The following RFX7 variants were observed in gnomAD, a reference collection of about 807,000 sequenced individuals.
The protein encoded by RFX7 is regulatory factor X7, also known as DNA-binding protein RFX7.
RFX7 carries 26 observed loss-of-function variants against 111.8 expected under a neutral mutation model. The observed-to-expected ratio is 0.23, with a 90% confidence interval of 0.17 to 0.32. The LOEUF is 0.32. Among genes scored for constraint, RFX7 ranks in the 10% least tolerant of loss-of-function variants. The pLI is 1.00. For synonymous variants in RFX7, 624 were observed against 624.4 expected, an observed-to-expected ratio of 1.00 and a Z score of 0.01; for missense variants, 1,573 against 1,772.9, an observed-to-expected ratio of 0.89 and a Z score of 2.02.
intron 3 of RFX7, among the ~76,000 whole-genome samples, chr15:56,170,285 C>A (rs949732531): frequency 2.0e-5 from 3 of 152,076 alleles, no homozygotes; most frequent in African/African-American, 7.2e-5. Flanking sequence ...AAAATTCAGA[C>A]CTGAGAAATC....
At chr15:56,116,847 C>T (rs188662518) in intron 5 of RFX7, among the ~76,000 whole-genome samples, 4 of 151,244 alleles carry the variant, frequency 2.6e-5, no homozygotes, top group Non-Finnish European at 4.4e-5. Flanking sequence ...TACAGTTGTA[C>T]AAATTGTACA....
intron 3 of RFX7, among the ~76,000 whole-genome samples, chr15:56,148,400 C>T (rs1459935449): frequency 6.6e-6 from 1 of 152,168 alleles, no homozygotes; most frequent in Non-Finnish European, 1.5e-5. Flanking sequence ...GTACTTTGAC[C>T]TTTCACATTC....
At chr15:56,137,448 G>C (rs1214888262) in intron 5 of RFX7, among the ~76,000 whole-genome samples, 1 of 152,134 alleles carries the variant, frequency 6.6e-6, no homozygotes, top group Non-Finnish European at 1.5e-5. Context: ...ATTTCTGTGG[G>C]ATTGGTGGTG....
At chr15:56,225,327 G>A (rs935304077) in intron 2 of RFX7, among the ~76,000 whole-genome samples, 8 of 151,938 alleles carry the variant, frequency 5.3e-5, no homozygotes, top group African/African-American at 9.7e-5. Context: ...TTATAAAACC[G>A]GATTTCTCTT....
intron 2 of RFX7, among the ~76,000 whole-genome samples, chr15:56,212,895 T>C (rs1401148225): frequency 6.6e-6 from 1 of 152,140 alleles, no homozygotes; most frequent in Non-Finnish European, 1.5e-5. Flanking sequence ...TTTGTATAAA[T>C]GGTAAACAAC....
intron 2 of RFX7, among the ~76,000 whole-genome samples, chr15:56,213,531 T>C (rs533060968): frequency 1.6e-4 from 25 of 152,102 alleles, no homozygotes; most frequent in African/African-American, 5.8e-4. Flanking sequence ...TAGTTGAGGG[T>C]GAAAGGTAAG....
chr15:56,218,155 T>TC (rs1194700990), intron 2 of RFX7, among the ~76,000 whole-genome samples: 1 of 135,940 alleles, frequency 7.4e-6, no homozygotes, highest in Non-Finnish European at 1.6e-5. Flanking sequence ...TTTTTTTTTT[T>TC]TTTTTTTTTT....
chr15:56,101,818 T>G (rs536104024), intron 7 of RFX7, among the ~76,000 whole-genome samples: 1 of 152,344 alleles, frequency 6.6e-6, no homozygotes, highest in South Asian at 2.1e-4. Context: ...GACTGATGTT[T>G]TGAATCTTTC....
At chr15:56,114,840 G>A (rs2041988616) in intron 5 of RFX7, among the ~76,000 whole-genome samples, 1 of 151,986 alleles carries the variant, frequency 6.6e-6, no homozygotes, top group African/African-American at 2.4e-5. Context: ...TTAACCTGAA[G>A]TTTATAAATT....
At chr15:56,119,692 G>A (rs755615894) in intron 5 of RFX7, among the ~76,000 whole-genome samples, 6 of 151,506 alleles carry the variant, frequency 4.0e-5, no homozygotes, top group African/African-American at 7.3e-5. Flanking sequence ...CAGGAGAATC[G>A]CGTGAACCTG....
At chr15:56,220,535 GT>G (rs140570621) in intron 2 of RFX7, among the ~76,000 whole-genome samples, 4 of 149,202 alleles carry the variant, frequency 2.7e-5, no homozygotes, top group Non-Finnish European at 4.5e-5. Context: ...CTAGCCAAAT[GT>G]TTTTTTTTTC....
intron 2 of RFX7, among the ~76,000 whole-genome samples, chr15:56,190,830 A>AC (rs2141161637): frequency 6.6e-6 from 1 of 152,300 alleles, no homozygotes; most frequent in Non-Finnish European, 1.5e-5. Flanking sequence ...AGGGGGTGAA[A>AC]CCCTTACTTG....
chr15:56,213,616 A>T (rs1567048326), intron 2 of RFX7, among the ~76,000 whole-genome samples: 2 of 152,170 alleles, frequency 1.3e-5, no homozygotes, highest in Non-Finnish European at 2.9e-5. Context: ...GACCGTATCA[A>T]TGTTTTGGTT....
intron 5 of RFX7, among the ~76,000 whole-genome samples, chr15:56,119,382 C>T (rs2140962427): frequency 6.6e-6 from 1 of 152,300 alleles, no homozygotes; most frequent in African/African-American, 2.4e-5. Flanking sequence ...AGATAGGGGT[C>T]TAGATTCATT....
chr15:56,204,574 T>C (rs1050358061), intron 2 of RFX7, among the ~76,000 whole-genome samples: 15 of 152,210 alleles, frequency 9.9e-5, no homozygotes, highest in Non-Finnish European at 1.3e-4. Context: ...TTTGAGGGTC[T>C]AGATCCTTAC....
chr15:56,158,739 T>C (rs1277220836), intron 3 of RFX7, among the ~76,000 whole-genome samples: 1 of 152,140 alleles, frequency 6.6e-6, no homozygotes, highest in Admixed American at 6.5e-5. Flanking sequence ...GTACAATTGC[T>C]TGAGCCCACA....
At chr15:56,116,235 G>C (rs1334891771) in intron 5 of RFX7, among the ~76,000 whole-genome samples, 1 of 152,212 alleles carries the variant, frequency 6.6e-6, no homozygotes, top group Admixed American at 6.5e-5. Flanking sequence ...AGTGTCATCT[G>C]ATGTAATCAT....
chr15:56,119,594 T>C (rs2042049164), intron 5 of RFX7, among the ~76,000 whole-genome samples: 1 of 151,866 alleles, frequency 6.6e-6, no homozygotes, highest in Admixed American at 6.6e-5. Flanking sequence ...CTGGCCAACA[T>C]GGTGAAACCC....
At chr15:56,123,476 T>C (rs922548697) in intron 5 of RFX7, among the ~76,000 whole-genome samples, 2 of 152,134 alleles carry the variant, frequency 1.3e-5, no homozygotes, top group Non-Finnish European at 2.9e-5. Context: ...CCTTCTCCTC[T>C]CCTCAAGTGG....
Sources: allele counts gnomAD v4.1 joint callset (sites outside exome capture counted in the v4.1 genomes callset), GRCh38; gene constraint gnomAD v4.1.1; transcripts MANE v1.5; gene names NCBI Gene and HGNC (gene_info 2026-07-23, HGNC 2026-07-21).